The following MYO3A variants were observed in gnomAD, a reference collection of about 807,000 sequenced individuals.
MYO3A encodes myosin IIIA.
Under a neutral mutation model 192.7 loss-of-function variants are expected in MYO3A, and 180 were observed. The ratio of observed to expected loss-of-function variants is 0.93; its 90% CI spans 0.83 to 1.06. The LOEUF (loss-of-function observed/expected upper bound fraction) is 1.06, where lower values mean the gene tolerates loss of function less well. Among genes scored for constraint, MYO3A ranks in the 50% least tolerant of loss-of-function variants. The pLI is 0.00. For synonymous variants in MYO3A, 628 were observed against 645.3 expected (o/e 0.97, Z 0.41); for missense variants, 1,896 against 1,905.0 (o/e 1.00, Z 0.09).
Position 26,174,070 on chromosome 10 carries a change from A to G in MYO3A, c.3806A>G (p.Tyr1269Cys), listed in dbSNP as rs776575545. 1 of 1,614,230 alleles carries G rather than the reference A, an allele frequency of 6.2e-7. No homozygotes were observed. ...ERKAISERPS[Y>C]PVPWLAENET... The stretch of plus-strand genomic sequence containing the variant: ...AAGGCCATATCAGAAAGGCCAAGCT[A>G]CCCAGTGCCTTGGTTAGCTGAAAAT... The change falls in exon 30 of 35, where the codon TAC becomes TGC. Residue 1269 changes from tyrosine to cysteine, a missense_variant. Transcript: ENST00000642920.
intron 11 of MYO3A, among the ~76,000 whole-genome samples, chr10:26,068,053 T>C (rs553139784): frequency 2.6e-5 from 4 of 152,314 alleles, no homozygotes; most frequent in South Asian, 2.1e-4. Context: ...TTCTTACATA[T>C]AAAATTTTTT....
In MYO3A at chr10:26,021,527, G is replaced by A. The variant is rs3737274; in HGVS notation, c.610G>A (p.Asp204Asn). Residue 204 changes from aspartate (D) to asparagine (N), a missense_variant, in exon 8 of 35, where the codon GAT becomes AAT. Physicochemically the swap from Asp to Asn is conservative, Grantham distance 23 (BLOSUM62 1). Coordinates refer to ENST00000642920, the MANE Select transcript of MYO3A (RefSeq NM_017433.5). ...GGTGATTGCATGTGAACAGCAATTG[G>A]ATACCACTTATGACGCCAGATGTGA... is the stretch of plus-strand genomic sequence containing the variant. ...PEVIACEQQL[D>N]TTYDARCDTW... is the part of the protein sequence containing the mutation. 385 of 1,614,100 alleles carry A rather than the reference G, an allele frequency of 2.4e-4. 7 individuals are homozygous for A. The East Asian group carries it at 8.4e-3, about 35-fold the overall frequency.
intron 4 of MYO3A, among the ~76,000 whole-genome samples, chr10:25,989,137 G>A (rs1390048074): frequency 6.6e-6 from 1 of 151,012 alleles, no homozygotes; most frequent in Non-Finnish European, 1.5e-5. Flanking sequence ...TAGAGGCAGG[G>A]GTCTTACTGT....
intron 17 of MYO3A, among the ~76,000 whole-genome samples, chr10:26,107,424 C>T (rs987690146): frequency 2.1e-5 from 3 of 145,640 alleles, no homozygotes; most frequent in African/African-American, 7.7e-5. Flanking sequence ...GAGGTTGCAA[C>T]GAGCCAAGAT....
intron 10 of MYO3A, among the ~76,000 whole-genome samples, chr10:26,052,471 T>G (rs1844060359): frequency 6.6e-6 from 1 of 152,150 alleles, no homozygotes; most frequent in South Asian, 2.1e-4. Flanking sequence ...CCACCATCAT[T>G]TCAAAACTAC....
intron 4 of MYO3A, among the ~76,000 whole-genome samples, chr10:25,955,624 G>T (rs1837490151): frequency 6.6e-6 from 1 of 152,112 alleles, no homozygotes; most frequent in Non-Finnish European, 1.5e-5. Flanking sequence ...AGCAGCTCCT[G>T]CACTAAGGTG....
At chr10:25,962,664 A>G (rs1340696169) in intron 4 of MYO3A, among the ~76,000 whole-genome samples, 1 of 152,088 alleles carries the variant, frequency 6.6e-6, no homozygotes, top group South Asian at 2.1e-4. Flanking sequence ...TTGACTTTGC[A>G]CTGCCTTTTA....
At chr10:26,122,318 A>G (rs1214140329) in intron 18 of MYO3A, among the ~76,000 whole-genome samples, 1 of 152,262 alleles carries the variant, frequency 6.6e-6, no homozygotes, top group East Asian at 1.9e-4. Context: ...AAATTAACAT[A>G]CTTTCTGGAA....
Position 26,131,686 on chromosome 10 carries a change from T to C in MYO3A, c.2262+3148T>C, listed in dbSNP as rs112512418. Among the ~76,000 whole-genome samples the C allele has an allele frequency of 2.2e-4, 34 of 152,318 alleles. 1 individual carries two copies. The highest frequency in any genetic ancestry group is 7.9e-4 in the African/African-American group (33 of 41,578). On this transcript the variant is annotated intron_variant, in intron 20 of 34. Coordinates refer to ENST00000642920, the MANE Select transcript of MYO3A (RefSeq NM_017433.5). ...TTCTATGTGTAAAATATGTAGCTCCTAAAATTTTCCTGGAGTTTGATATTT... is the reference window on the plus strand; with the variant it reads ...TTCTATGTGTAAAATATGTAGCTCCCAAAATTTTCCTGGAGTTTGATATTT...
intron 4 of MYO3A, among the ~76,000 whole-genome samples, chr10:25,994,955 T>C (rs1166142540): frequency 1.3e-5 from 2 of 152,200 alleles, no homozygotes; most frequent in African/African-American, 4.8e-5. Context: ...TTTTCCTTCA[T>C]TTCAACCTTG....
chr10:26,052,330 G>A (rs145194720), intron 10 of MYO3A, among the ~76,000 whole-genome samples: 60 of 152,260 alleles, frequency 3.9e-4, no homozygotes, highest in African/African-American at 1.4e-3. Context: ...AAATGTGAAA[G>A]AGAAAAGTCT....
chr10:26,070,489 A>G, intron 14 of MYO3A, 88 bp downstream of exon 14: 2 of 1,130,062 alleles, frequency 1.8e-6, no homozygotes, highest in Non-Finnish European at 2.6e-6. Flanking sequence ...ATTCTCTAGT[A>G]TCTCACATTT....
At chr10:25,987,643 A>C (rs1344141748) in intron 4 of MYO3A, among the ~76,000 whole-genome samples, 2 of 152,222 alleles carry the variant, frequency 1.3e-5, no homozygotes, top group Non-Finnish European at 2.9e-5. Flanking sequence ...ATGCAAATCA[A>C]AACCACAATG....
At chr10:26,132,252 G>A (rs1839580259) in intron 20 of MYO3A, among the ~76,000 whole-genome samples, 1 of 152,186 alleles carries the variant, frequency 6.6e-6, no homozygotes, top group South Asian at 2.1e-4. Flanking sequence ...GAAGTTCTCT[G>A]GAATCACCTA....
At chr10:26,171,096 T>A (rs1842024671) in intron 29 of MYO3A, among the ~76,000 whole-genome samples, 2 of 152,184 alleles carry the variant, frequency 1.3e-5, no homozygotes, top group Middle Eastern at 3.4e-3. Flanking sequence ...AACACATCCC[T>A]CTTGTAAAAT....
At chr10:26,033,643 G>A (rs904322346) in intron 10 of MYO3A, among the ~76,000 whole-genome samples, 21 of 152,324 alleles carry the variant, frequency 1.4e-4, no homozygotes, top group African/African-American at 4.8e-4. Flanking sequence ...AGGTCTGACA[G>A]CTGAATCCTT....
At chr10:26,119,196 C>G (rs1240135363) in intron 17 of MYO3A, among the ~76,000 whole-genome samples, 1 of 152,152 alleles carries the variant, frequency 6.6e-6, no homozygotes, top group Non-Finnish European at 1.5e-5. Context: ...AAAGCCTGCC[C>G]ATCCTTTCCC....
chr10:25,938,484 T>C (rs1227701134), intron 2 of MYO3A, among the ~76,000 whole-genome samples: 1 of 152,188 alleles, frequency 6.6e-6, no homozygotes, highest in Non-Finnish European at 1.5e-5. Context: ...GAGATCATCC[T>C]GGCTACTCTG....
chr10:25,968,926 A>G (rs144816844), intron 4 of MYO3A, among the ~76,000 whole-genome samples: 207 of 152,330 alleles, frequency 1.4e-3, no homozygotes, highest in South Asian at 5.2e-3. Context: ...CTCATGTTCA[A>G]GTAACCCTTA....
Sources: allele counts gnomAD v4.1 joint callset (sites outside exome capture counted in the v4.1 genomes callset), GRCh38; gene constraint gnomAD v4.1.1; transcripts MANE v1.5; gene names NCBI Gene and HGNC (gene_info 2026-07-23, HGNC 2026-07-21).